Variants in KLHL14 observed in about 807,000 individuals in gnomAD.
The protein encoded by KLHL14 is kelch-like protein 14.
KLHL14 carries 22 observed loss-of-function variants against 64.3 expected under a neutral mutation model. The ratio of observed to expected loss-of-function variants is 0.34; its 90% confidence interval spans 0.24 to 0.49. The LOEUF (loss-of-function observed/expected upper bound fraction) is 0.49, where lower values mean the gene tolerates loss of function less well. Among genes scored for constraint, KLHL14 ranks in the 20% least tolerant of loss-of-function variants. The probability of loss-of-function intolerance (pLI) is 0.99; values close to 1 mark genes in which losing one functional copy is unlikely to be tolerated. For synonymous variants in KLHL14, 322 were observed against 333.4 expected, an observed-to-expected ratio of 0.97 and a Z score of 0.37; for missense variants, 661 against 789.0, an observed-to-expected ratio of 0.84 and a Z score of 1.94.
intron 2 of KLHL14, among the ~76,000 whole-genome samples, chr18:32,759,600 G>T (rs1007777625): frequency 6.6e-6 from 1 of 152,174 alleles, no homozygotes; most frequent in Non-Finnish European, 1.5e-5. Context: ...GAAGCAGCTT[G>T]TAAGTGGTAG....
chr18:32,687,738 T>G (rs80354473), intron 4 of KLHL14, among the ~76,000 whole-genome samples: 4,146 of 152,238 alleles, frequency 0.027, 186 homozygotes, highest in African/African-American at 0.094. Flanking sequence ...TTTAGAGAAG[T>G]TTTAGGTTCA....
Position 32,673,771 on chromosome 18 carries a change from T to C in KLHL14, c.*886A>G, listed in dbSNP as rs2049797289. The C allele has an allele frequency of 6.6e-6, 1 of 152,202 alleles. No individual in the cohort carries two copies. Among genetic ancestry groups the C allele is most frequent in the Non-Finnish European group, 1.5e-5 (1 of 68,032 alleles). The allele number at this position is 152,202 out of a possible 1,614,324, so 9.4% of individuals were successfully genotyped here. A position where few individuals can be genotyped will look rare whatever the true frequency, so the allele number is the denominator to read the frequency against. ...AAAACAATCTCCCATTTTTTTTTAT[T>C]ATGGATTAAATTTGGGTCAGACATA... On this transcript the variant is annotated 3_prime_UTR_variant, in exon 9 of 9. Coordinates refer to ENST00000359358, the MANE Select transcript of KLHL14 (RefSeq NM_020805.3).
chr18:32,771,002 A>T (rs1362649924), intron 1 of KLHL14: 1 of 402,006 alleles, frequency 2.5e-6, no homozygotes, highest in African/African-American at 2.1e-5. Flanking sequence ...AGGCCGAGGC[A>T]CCTCGTGGGC....
chr18:32,755,722 TG>T (rs1168223872), intron 2 of KLHL14, among the ~76,000 whole-genome samples: 1 of 152,192 alleles, frequency 6.6e-6, no homozygotes, highest in Non-Finnish European at 1.5e-5. Context: ...TGCAGGTTCT[TG>T]GGACCTCCTT....
At chr18:32,677,057 C>T (rs2049814768) in intron 8 of KLHL14, 116 bp downstream of exon 8, 5 of 1,113,378 alleles carry the variant, frequency 4.5e-6, no homozygotes, top group Non-Finnish European at 6.4e-6. Context: ...TGACTGCTTG[C>T]ATGTAAGTAT....
intron 4 of KLHL14, among the ~76,000 whole-genome samples, chr18:32,689,610 A>G (rs1799398424): frequency 6.6e-6 from 1 of 152,172 alleles, no homozygotes; most frequent in African/African-American, 2.4e-5. Flanking sequence ...TAGAAAGAAG[A>G]TTATAGCTGG....
chr18:32,767,342 T>G (rs549589657), intron 2 of KLHL14, among the ~76,000 whole-genome samples: 8 of 148,766 alleles, frequency 5.4e-5, no homozygotes, highest in Admixed American at 2.0e-4. Context: ...ATGTAATTAG[T>G]CTGTAAAATT....
chr18:32,745,463 ACT>A (rs2050219735), intron 2 of KLHL14: 1 of 152,160 alleles, frequency 6.6e-6, no homozygotes, highest in South Asian at 2.1e-4. Context: ...GGTAGGTATA[ACT>A]CTCCATTTTA....
intron 2 of KLHL14, among the ~76,000 whole-genome samples, chr18:32,755,905 T>C (rs557449047): frequency 6.6e-6 from 1 of 152,338 alleles, no homozygotes; most frequent in African/African-American, 2.4e-5. Context: ...CTGGAAGAGC[T>C]ATTTATACAC....
intron 3 of KLHL14, among the ~76,000 whole-genome samples, chr18:32,714,225 A>G (rs888659569): frequency 3.9e-5 from 6 of 152,176 alleles, no homozygotes; most frequent in African/African-American, 1.4e-4. Context: ...CATTCAATTT[A>G]TAGAGAATGT....
chr18:32,739,684 C>A (rs2050185415), intron 3 of KLHL14, among the ~76,000 whole-genome samples: 1 of 149,454 alleles, frequency 6.7e-6, no homozygotes, highest in Non-Finnish European at 1.5e-5. Flanking sequence ...TTATTTCCTT[C>A]AACTTCAAAT....
chr18:32,736,309 T>C (rs771407518), intron 3 of KLHL14, among the ~76,000 whole-genome samples: 15 of 152,126 alleles, frequency 9.9e-5, no homozygotes, highest in Non-Finnish European at 1.5e-4. Flanking sequence ...TCAAGATATA[T>C]AGCAATGTGC....
chr18:32,725,753 G>C (rs1382892376), intron 3 of KLHL14, among the ~76,000 whole-genome samples: 1 of 152,230 alleles, frequency 6.6e-6, no homozygotes, highest in African/African-American at 2.4e-5. Context: ...TCAAGTTAAA[G>C]ATGAAGGTCA....
intron 2 of KLHL14, among the ~76,000 whole-genome samples, chr18:32,767,239 T>C (rs924231165): frequency 5.9e-5 from 9 of 152,334 alleles, no homozygotes; most frequent in Middle Eastern, 3.4e-3. Flanking sequence ...TGATTTAATA[T>C]TGTTGGTTGC....
At chr18:32,693,887 C>T (rs2049924082) in intron 4 of KLHL14, among the ~76,000 whole-genome samples, 1 of 152,186 alleles carries the variant, frequency 6.6e-6, no homozygotes, top group South Asian at 2.1e-4. Context: ...TATGTCCTTT[C>T]AACTCTCCCG....
At chr18:32,752,122 AT>A in intron 2 of KLHL14, among the ~76,000 whole-genome samples, 1 of 152,278 alleles carries the variant, frequency 6.6e-6, no homozygotes, top group Non-Finnish European at 1.5e-5. Context: ...GTGAGACTCC[AT>A]CTCAAAAAAA....
Position 32,683,940 on chromosome 18 carries a change from T to G in KLHL14, c.1238+3215A>C, listed in dbSNP as rs2049857048. Reference sequence around the variant, plus strand: ...ACTAGAAAAACAAAATATTTAAAATTTGATGCATTTTTGACATATTAAGTT... The same window carrying G: ...ACTAGAAAAACAAAATATTTAAAATGTGATGCATTTTTGACATATTAAGTT... On this transcript the variant is annotated intron_variant, in intron 5 of 8. Transcript: ENST00000359358. This position sits in a 1 kb window ranked among gnomAD's most constrained non-coding sequence, Gnocchi z 4.2. Among the ~76,000 whole-genome samples the G allele has an allele frequency of 6.6e-6, 1 of 152,200 alleles. No individual in the cohort carries two copies. Among genetic ancestry groups the G allele is most frequent in the African/African-American group, 2.4e-5 (1 of 41,462 alleles).
At chr18:32,719,866 G>A (rs12969799) in intron 3 of KLHL14, among the ~76,000 whole-genome samples, 37,778 of 152,138 alleles carry the variant, frequency 0.25, 4,851 homozygotes, top group Middle Eastern at 0.32. Context: ...AAGGACGTGC[G>A]TAGCCAGGTG....
rs1450453261 is a variant in KLHL14, at chr18:32,770,685, G to T, written c.-43-51C>A. The T allele has an allele frequency of 3.6e-6, 3 of 827,150 alleles. No homozygotes were observed. The highest frequency in any genetic ancestry group is 3.3e-6 in the Non-Finnish European group (2 of 603,256). 51.2% of individuals were successfully genotyped at this position (827,150 alleles called of 1,614,324 possible). On this transcript the variant is annotated intron_variant, in intron 1 of 8. Transcript: ENST00000359358. This position sits in a 1 kb window ranked among gnomAD's most constrained non-coding sequence, Gnocchi z 6.7. ...AGGGAGGGGAGCAGGGTGGTGGAGC[G>T]GGTGGGGTGTGGTCGGGGTGGGGAA...
Sources: allele counts gnomAD v4.1 joint callset (sites outside exome capture counted in the v4.1 genomes callset), GRCh38; gene constraint gnomAD v4.1.1; non-coding constraint Gnocchi (gnomAD v3.1); transcripts MANE v1.5; gene names NCBI Gene and HGNC (gene_info 2026-07-23, HGNC 2026-07-21).